PACRG: variants seen among roughly 807,000 people sequenced by gnomAD.
PACRG encodes the protein parkin coregulated.
A neutral mutation model predicts 29.7 loss-of-function variants in PACRG; 29 were observed. That is an observed-to-expected ratio of 0.98 (90% confidence interval 0.73 to 1.33). The LOEUF (loss-of-function observed/expected upper bound fraction) is 1.33. Among genes scored for constraint, PACRG ranks in the 40% most tolerant of loss-of-function variants. The probability of loss-of-function intolerance (pLI) is 0.00; values close to 1 mark genes in which losing one functional copy is unlikely to be tolerated. For synonymous variants in PACRG, 116 were observed against 118.7 expected (o/e 0.98, Z 0.15); for missense variants, 279 against 316.2 (o/e 0.88, Z 0.89).
chr6:163,213,734 T>C (rs556593881), intron 4 of PACRG, among the ~76,000 whole-genome samples: 3 of 152,310 alleles, frequency 2.0e-5, no homozygotes, highest in African/African-American at 7.2e-5. Flanking sequence ...CCTTTGTCAG[T>C]TATAGGTATT....
intron 2 of PACRG, among the ~76,000 whole-genome samples, chr6:162,935,724 C>T (rs987266232): frequency 1.3e-5 from 2 of 151,900 alleles, no homozygotes; most frequent in Non-Finnish European, 2.9e-5. Context: ...TATTGTGTTC[C>T]TTTGGAAGTG....
chr6:162,947,631 T>TATATAA (rs1799327206), intron 2 of PACRG, among the ~76,000 whole-genome samples: 6 of 71,534 alleles, frequency 8.4e-5, no homozygotes, highest in Non-Finnish European at 1.3e-4. Context: ...TATATATATA[T>TATATAA]ATATATATAT....
intron 4 of PACRG, among the ~76,000 whole-genome samples, chr6:163,147,179 C>A (rs1164459742): frequency 6.6e-6 from 1 of 152,058 alleles, no homozygotes; most frequent in African/African-American, 2.4e-5. Flanking sequence ...GAACTCTGCA[C>A]ATATGATCCA....
Position 163,289,814 on chromosome 6 carries a change from C to T in PACRG, c.614-25013C>T, listed in dbSNP as rs117904509. ...CCCCCACCTTGACCACAGCACCACT[C>T]AGTCCTCTTCTGTTTTTTTTTTCTT... On this transcript the variant is annotated intron_variant, in intron 4 of 4. Coordinates refer to ENST00000366888, the MANE Select transcript of PACRG (RefSeq NM_001080379.2). Among the ~76,000 whole-genome samples the T allele has an allele frequency of 1.6e-3, 247 of 152,086 alleles. 1 individual carries two copies. The highest frequency in any genetic ancestry group is 2.8e-3 in the Non-Finnish European group (191 of 67,950).
chr6:163,074,117 A>G (rs942539492), intron 3 of PACRG, among the ~76,000 whole-genome samples: 1 of 152,216 alleles, frequency 6.6e-6, no homozygotes, highest in African/African-American at 2.4e-5. Context: ...AAATATCTGC[A>G]TTCGCGTATT....
At chr6:163,262,489 G>A (rs1783363817) in intron 4 of PACRG, among the ~76,000 whole-genome samples, 3 of 151,834 alleles carry the variant, frequency 2.0e-5, no homozygotes, top group Admixed American at 2.0e-4. Context: ...TCTGATCAAA[G>A]CGAATCACTC....
chr6:163,043,556 A>C (rs879520963), intron 2 of PACRG, among the ~76,000 whole-genome samples: 46 of 152,296 alleles, frequency 3.0e-4, no homozygotes, highest in Non-Finnish European at 4.9e-4. Context: ...CGTCTAAAAA[A>C]AAAAAATCAT....
intron 4 of PACRG, among the ~76,000 whole-genome samples, chr6:163,215,196 A>G (rs1427075264): frequency 6.6e-6 from 1 of 152,100 alleles, no homozygotes. Flanking sequence ...ATAATCATCT[A>G]TTTTAGAACT....
intron 3 of PACRG, among the ~76,000 whole-genome samples, chr6:163,088,113 A>G (rs1240668705): frequency 6.6e-6 from 1 of 152,178 alleles, no homozygotes; most frequent in African/African-American, 2.4e-5. Flanking sequence ...GGTTCTGGCA[A>G]GATCCAGGCT....
At chr6:163,102,865 G>C (rs745566504) in intron 4 of PACRG, among the ~76,000 whole-genome samples, 2 of 152,114 alleles carry the variant, frequency 1.3e-5, no homozygotes, top group African/African-American at 4.8e-5. Flanking sequence ...TGAAAGCTAG[G>C]GTTTGTTTGT....
At chr6:162,923,761 G>T (rs1797228910) in intron 2 of PACRG, among the ~76,000 whole-genome samples, 1 of 152,038 alleles carries the variant, frequency 6.6e-6, no homozygotes, top group South Asian at 2.1e-4. Context: ...GGTAACCATA[G>T]GCTTATAATA....
At chr6:163,021,434 T>C (rs1806606510) in intron 2 of PACRG, among the ~76,000 whole-genome samples, 1 of 152,234 alleles carries the variant, frequency 6.6e-6, no homozygotes, top group Admixed American at 6.5e-5. Flanking sequence ...GTCTCGTGAA[T>C]GTCTGTGCCT....
At chr6:162,728,471 T>C in intron 1 of PACRG, 80 bp downstream of exon 1, 1 of 1,532,118 alleles carries the variant, frequency 6.5e-7, no homozygotes, top group Non-Finnish European at 8.8e-7. Context: ...AGCCTTAGGA[T>C]GGACTCTGAG....
intron 1 of PACRG, among the ~76,000 whole-genome samples, chr6:162,738,216 A>G (rs868428858): frequency 6.6e-6 from 1 of 152,310 alleles, no homozygotes; most frequent in Middle Eastern, 3.4e-3. Flanking sequence ...TATCCTATAG[A>G]TAGATGGATA....
intron 4 of PACRG, among the ~76,000 whole-genome samples, chr6:163,217,224 A>T (rs967488345): frequency 5.9e-5 from 9 of 152,214 alleles, no homozygotes; most frequent in Admixed American, 5.2e-4. Context: ...CGATTGTTGT[A>T]GGTATGATGC....
At chr6:162,786,409 G>A (rs954227725) in intron 1 of PACRG, among the ~76,000 whole-genome samples, 20 of 152,162 alleles carry the variant, frequency 1.3e-4, no homozygotes, top group Admixed American at 4.6e-4. Context: ...CTCCCTTACA[G>A]TTAGATATAT....
chr6:162,996,127 C>T (rs1804021578), intron 2 of PACRG, among the ~76,000 whole-genome samples: 1 of 152,126 alleles, frequency 6.6e-6, no homozygotes, highest in Non-Finnish European at 1.5e-5. Context: ...CTTCTCACCA[C>T]TCGTGTGTGT....
intron 2 of PACRG, among the ~76,000 whole-genome samples, chr6:162,878,479 A>AAT (rs1793558828): frequency 6.6e-6 from 1 of 152,200 alleles, no homozygotes; most frequent in African/African-American, 2.4e-5. Context: ...ACAAATATTG[A>AAT]ATAGACTGAA....
At chr6:162,873,514 A>G (rs1793008918) in intron 2 of PACRG, among the ~76,000 whole-genome samples, 1 of 152,216 alleles carries the variant, frequency 6.6e-6, no homozygotes, top group East Asian at 1.9e-4. Flanking sequence ...ATCTGGTCAA[A>G]GTAGGAAAGC....
Sources: gnomAD v4.1 joint callset for allele counts (sites outside exome capture counted in the v4.1 genomes callset) on GRCh38, gnomAD v4.1.1 for gene constraint, MANE v1.5 for transcripts, NCBI Gene and HGNC (gene_info 2026-07-23, HGNC 2026-07-21) for gene names.